FXR1: variants seen among roughly 807,000 people sequenced by gnomAD.
FXR1 encodes FMR1 autosomal homolog 1, also known as RNA-binding protein FXR1.
FXR1 carries 15 observed loss-of-function variants against 84.0 expected under a neutral mutation model. The observed-to-expected ratio is 0.18, with a 90% CI of 0.12 to 0.27. The LOEUF (loss-of-function observed/expected upper bound fraction) is 0.27, where lower values mean the gene tolerates loss of function less well. FXR1 is among the 10% of genes least tolerant of loss of function. FXR1 has a pLI of 1.00. For synonymous variants in FXR1, 245 were observed against 250.7 expected (o/e 0.98, Z 0.21); for missense variants, 480 against 774.4 (o/e 0.62, Z 4.51).
chr3:180,923,811 G>C (rs1718853760), intron 1 of FXR1, among the ~76,000 whole-genome samples: 1 of 152,032 alleles, frequency 6.6e-6, no homozygotes, highest in South Asian at 2.1e-4. Flanking sequence ...GGCTGGCCTC[G>C]AACTACTAGG....
chr3:180,918,371 C>T (rs1560156221), intron 1 of FXR1, among the ~76,000 whole-genome samples: 1 of 146,096 alleles, frequency 6.8e-6, no homozygotes, highest in South Asian at 2.3e-4. Flanking sequence ...CTCCTGGTCT[C>T]AAGCAATACT....
chr3:180,938,334 CTG>C (rs756526986), intron 3 of FXR1, among the ~76,000 whole-genome samples: 38 of 152,280 alleles, frequency 2.5e-4, no homozygotes, highest in Admixed American at 3.9e-4. Context: ...CATTAAGTGA[CTG>C]TATTATATTG....
intron 14 of FXR1, among the ~76,000 whole-genome samples, chr3:180,968,680 C>T (rs1167101843): frequency 3.3e-5 from 5 of 152,116 alleles, no homozygotes; most frequent in Non-Finnish European, 7.3e-5. Context: ...TTCTTAGCTA[C>T]ACTATGTAGT....
intron 15 of FXR1, among the ~76,000 whole-genome samples, chr3:180,972,559 A>G (rs532959795): frequency 6.6e-6 from 1 of 152,366 alleles, no homozygotes; most frequent in Non-Finnish European, 1.5e-5. Flanking sequence ...GGCTATCAGT[A>G]TGAACTTAAC....
At chr3:180,945,348 T>TA (rs1173674334) in intron 3 of FXR1, among the ~76,000 whole-genome samples, 1 of 152,238 alleles carries the variant, frequency 6.6e-6, no homozygotes. Context: ...CATTTCCACT[T>TA]ACGAAGTACA....
chr3:180,940,285 A>G (rs1489162826), intron 3 of FXR1, among the ~76,000 whole-genome samples: 1 of 152,202 alleles, frequency 6.6e-6, no homozygotes, highest in African/African-American at 2.4e-5. Context: ...TTAATGATTG[A>G]TTTTTGCTGA....
intron 1 of FXR1, chr3:180,915,584 AT>A (rs2108415723): frequency 1.1e-6 from 1 of 926,658 alleles, no homozygotes; most frequent in Non-Finnish European, 1.7e-6. Context: ...AGCTGTTAAC[AT>A]TTTAGTGTAT....
intron 10 of FXR1, among the ~76,000 whole-genome samples, chr3:180,959,098 G>A (rs1350956676): frequency 4.0e-5 from 6 of 151,734 alleles, no homozygotes; most frequent in Admixed American, 2.0e-4. Flanking sequence ...GAGCCACCGT[G>A]CCCGGCCTTG....
chr3:180,946,325 A>G (rs1263741361), intron 3 of FXR1, among the ~76,000 whole-genome samples: 1 of 152,214 alleles, frequency 6.6e-6, no homozygotes, highest in East Asian at 1.9e-4. Flanking sequence ...AGAATAACTG[A>G]TGAATGTTGA....
At chr3:180,921,372 TAA>T (rs71182558) in intron 1 of FXR1, among the ~76,000 whole-genome samples, 15 of 131,036 alleles carry the variant, frequency 1.1e-4, no homozygotes, top group Admixed American at 1.6e-4. Context: ...AAACTCCATC[TAA>T]AAAAAAAAAA....
At chr3:180,931,090 A>G (rs946497986) in intron 1 of FXR1, among the ~76,000 whole-genome samples, 2 of 151,554 alleles carry the variant, frequency 1.3e-5, no homozygotes, top group Non-Finnish European at 2.9e-5. Context: ...CTGGCCAGAA[A>G]GTCATTATTA....
intron 16 of FXR1, among the ~76,000 whole-genome samples, chr3:180,975,710 T>C (rs1220337952): frequency 6.6e-6 from 1 of 152,202 alleles, no homozygotes; most frequent in African/African-American, 2.4e-5. Context: ...CATTGATGGA[T>C]ATAGACCTTT....
chr3:180,970,947 T>C (rs1713486247), intron 15 of FXR1: 1 of 225,882 alleles, frequency 4.4e-6, no homozygotes, highest in African/African-American at 2.3e-5. Context: ...CAGTAAACAT[T>C]TGTTGTTTTA....
At chr3:180,945,103 A>G (rs115845927) in intron 3 of FXR1, among the ~76,000 whole-genome samples, 67 of 152,364 alleles carry the variant, frequency 4.4e-4, no homozygotes, top group Admixed American at 8.5e-4. Context: ...GATTTAAAAT[A>G]TATCTCTAAT....
intron 11 of FXR1, among the ~76,000 whole-genome samples, chr3:180,961,880 T>C (rs1348059233): frequency 6.6e-6 from 1 of 152,226 alleles, no homozygotes; most frequent in East Asian, 1.9e-4. Context: ...TGTATCTGCA[T>C]GTTCATACTG....
chr3:180,916,883 G>A (rs1439207082), intron 1 of FXR1, among the ~76,000 whole-genome samples: 1 of 152,082 alleles, frequency 6.6e-6, no homozygotes, highest in Non-Finnish European at 1.5e-5. Flanking sequence ...TCACCAGGCT[G>A]GAGTGCAGTG....
chr3:180,961,983 CAA>C (rs1221688521), intron 11 of FXR1, among the ~76,000 whole-genome samples: 3 of 152,102 alleles, frequency 2.0e-5, no homozygotes, highest in Non-Finnish European at 4.4e-5. Flanking sequence ...TGGCATTATG[CAA>C]ATCATCTGCA....
chr3:180,915,182 A>G (rs571756320), intron 1 of FXR1, among the ~76,000 whole-genome samples: 12 of 151,480 alleles, frequency 7.9e-5, no homozygotes, highest in Non-Finnish European at 1.6e-4. Context: ...GTAAAAGTTA[A>G]TGTTAATTTA....
chr3:180,922,123 G>A (rs184254399), intron 1 of FXR1, among the ~76,000 whole-genome samples: 48 of 152,084 alleles, frequency 3.2e-4, no homozygotes, highest in Middle Eastern at 6.8e-3. Context: ...CATACACTTT[G>A]TTTTCAGTTT....
Sources: allele counts gnomAD v4.1 joint callset (sites outside exome capture counted in the v4.1 genomes callset), GRCh38; gene constraint gnomAD v4.1.1; transcripts MANE v1.5; gene names NCBI Gene and HGNC (gene_info 2026-07-23, HGNC 2026-07-21).